The following MSH3 variants were observed in gnomAD, a reference collection of about 807,000 sequenced individuals.
MSH3 encodes the protein DNA mismatch repair protein Msh3.
A neutral mutation model predicts 123.3 loss-of-function variants in MSH3; 106 were observed. The ratio of observed to expected loss-of-function variants is 0.86; its 90% CI spans 0.73 to 1.01. The LOEUF (loss-of-function observed/expected upper bound fraction) is 1.01, where lower values mean the gene tolerates loss of function less well. Among genes scored for constraint, MSH3 ranks in the 50% least tolerant of loss-of-function variants. The pLI, the probability that MSH3 is intolerant of heterozygous loss-of-function variation, is 0.00. For missense variants in MSH3, 1,459 were observed against 1,347.6 expected, an observed-to-expected ratio of 1.08 and a Z score of -1.29; for synonymous variants, 515 against 481.4, an observed-to-expected ratio of 1.07 and a Z score of -0.91.
chr5:80,792,797 T>A lies in MSH3; in HGVS notation c.2608T>A (p.Leu870Met). 6.2e-7 allele frequency: 1 copy of A among 1,613,566 alleles called. No homozygotes were observed. Among genetic ancestry groups the A allele is most frequent in the Non-Finnish European group, 8.5e-7 (1 of 1,179,656 alleles). ...TGGAAGGCACCCTGTGATTGATGTG[T>A]TGCTGGGAGAACAGGATCAATATGT... ...KNGRHPVIDV[L>M]LGEQDQYVPN... Residue 870 changes from leucine to methionine, a missense_variant, in exon 19 of 24, where the codon TTG becomes ATG. Leu to Met is a conservative substitution (Grantham distance 15). Coordinates refer to ENST00000265081, the MANE Select transcript of MSH3 (RefSeq NM_002439.5).
intron 11 of MSH3, among the ~76,000 whole-genome samples, chr5:80,742,199 A>G (rs774353421): frequency 1.3e-5 from 2 of 152,078 alleles, no homozygotes; most frequent in Non-Finnish European, 1.5e-5. Context: ...TAGTAGAGAC[A>G]GGGTTTCGCC....
At chr5:80,761,762 CTAT>C in intron 13 of MSH3, 84 bp downstream of exon 13, 4 of 1,434,678 alleles carry the variant, frequency 2.8e-6, no homozygotes, top group Admixed American at 3.5e-5. Context: ...TTTGAGAGCT[CTAT>C]TATTATTTTA....
Position 80,856,736 on chromosome 5 carries a change from T to A in MSH3, c.3000+2420T>A, listed in dbSNP as rs72767308. 8.8e-4 allele frequency among the ~76,000 whole-genome samples: 134 copies of A among 152,218 alleles called. 1 individual carries two copies. The highest frequency in any genetic ancestry group is 1.3e-3 in the Non-Finnish European group (91 of 67,994). On this transcript the variant is annotated intron_variant, in intron 21 of 23. Coordinates refer to ENST00000265081, the MANE Select transcript of MSH3 (RefSeq NM_002439.5). Reference sequence around the variant, plus strand: ...AAAAAGAAACTACATAGGAAAGCAATTGACTTTTGTACATTAACCTTGGAT... The same window carrying A: ...AAAAAGAAACTACATAGGAAAGCAAATGACTTTTGTACATTAACCTTGGAT...
chr5:80,673,744 C>G (rs1445405458), intron 6 of MSH3, among the ~76,000 whole-genome samples: 1 of 152,066 alleles, frequency 6.6e-6, no homozygotes, highest in African/African-American at 2.4e-5. Flanking sequence ...ATGATTGCCC[C>G]TAAATTTACG....
intron 21 of MSH3, among the ~76,000 whole-genome samples, chr5:80,862,106 C>T (rs1026745931): frequency 6.6e-6 from 1 of 151,942 alleles, no homozygotes; most frequent in Non-Finnish European, 1.5e-5. Flanking sequence ...TGCTGCAGGC[C>T]GAGAACAGCC....
At chr5:80,743,461 C>T (rs1454980756) in intron 11 of MSH3, among the ~76,000 whole-genome samples, 1 of 152,064 alleles carries the variant, frequency 6.6e-6, no homozygotes, top group African/African-American at 2.4e-5. Flanking sequence ...TATAAGCACC[C>T]TGAGGGTGGG....
intron 8 of MSH3, among the ~76,000 whole-genome samples, chr5:80,698,278 A>G (rs957250807): frequency 2.6e-5 from 4 of 152,174 alleles, no homozygotes; most frequent in Non-Finnish European, 5.9e-5. Flanking sequence ...ACATTATTAT[A>G]CAGTCATTCA....
At position 80,670,378 on chromosome 5, in the gene MSH3, G is replaced by A. The variant is rs1677649; in HGVS notation, c.792+69G>A. Reference sequence around the variant, plus strand: ...GCCTTAGATATTTTTCAGTATTTTTGTTTCATTTTCTGACCTTATATAAAA... The same window carrying A: ...GCCTTAGATATTTTTCAGTATTTTTATTTCATTTTCTGACCTTATATAAAA... On this transcript the variant is annotated intron_variant, in intron 4 of 23. Coordinates refer to ENST00000265081, the MANE Select transcript of MSH3 (RefSeq NM_002439.5). 0.27 allele frequency: 397,266 copies of A among 1,489,100 alleles called. 55,900 individuals are homozygous for A. The highest frequency in any genetic ancestry group is 0.4 in the Middle Eastern group (1,798 of 4,458). The allele number at this position is 1,489,100 out of a possible 1,614,324, so 92.2% of individuals were successfully genotyped here.
intron 19 of MSH3, among the ~76,000 whole-genome samples, chr5:80,809,142 A>G (rs1245299430): frequency 6.6e-6 from 1 of 151,850 alleles, no homozygotes; most frequent in Non-Finnish European, 1.5e-5. Context: ...ATAGTTTCAA[A>G]GGAATTTCAT....
At chr5:80,813,519 A>T in intron 19 of MSH3, 65 bp from the exon 20 acceptor site, 1 of 1,516,966 alleles carries the variant, frequency 6.6e-7, no homozygotes, top group South Asian at 1.1e-5. Context: ...CACTTATGAG[A>T]TAAATTGTGG....
chr5:80,876,129 A>T lies in MSH3; in HGVS notation c.*267A>T, dbSNP rs1271070480. 1 of 401,546 alleles carries T rather than the reference A, an allele frequency of 2.5e-6. No individual in the cohort carries two copies. Among genetic ancestry groups the T allele is most frequent in the East Asian group, 4.0e-5 (1 of 24,838 alleles). The allele number at this position is 401,546 out of a possible 1,614,324, so 24.9% of individuals were successfully genotyped here. On this transcript the variant is annotated 3_prime_UTR_variant, in exon 24 of 24. Transcript: ENST00000265081. Reference sequence around the variant, plus strand: ...GGACAGTAAGTCCAGTAAAGCCTTAAGTGGCAGAATATAATTCCCAAGCTT... The same window carrying T: ...GGACAGTAAGTCCAGTAAAGCCTTATGTGGCAGAATATAATTCCCAAGCTT...
chr5:80,829,013 T>C (rs1486769820), intron 20 of MSH3, among the ~76,000 whole-genome samples: 2 of 152,230 alleles, frequency 1.3e-5, no homozygotes, highest in African/African-American at 4.8e-5. Context: ...CACTAGACAT[T>C]ACCCCACTTG....
At chr5:80,854,000 T>A in intron 20 of MSH3, 130 bp from the exon 21 acceptor site, 1 of 737,750 alleles carries the variant, frequency 1.4e-6, no homozygotes. Flanking sequence ...TTTAATTTAA[T>A]TTGAGCTATT....
In MSH3 at chr5:80,654,663, A is replaced by T. The variant is rs765469987; in HGVS notation, c.-65A>T. The T allele has an allele frequency of 1.4e-6, 2 of 1,455,064 alleles. No homozygotes were observed. The allele number at this position is 1,455,064 out of a possible 1,614,324, so 90.1% of individuals were successfully genotyped here. On this transcript the variant is annotated 5_prime_UTR_variant, in exon 1 of 24. Coordinates refer to ENST00000265081, the MANE Select transcript of MSH3 (RefSeq NM_002439.5). ...GTGCTCGCGCCCGCAGACGCCTGGG[A>T]ACTGCGGCCGCGGGCTCGCGCTCCT...
chr5:80,808,573 A>G lies in MSH3; in HGVS notation c.2656-5011A>G, dbSNP rs181561426. Among the ~76,000 whole-genome samples, 186 of 152,212 alleles carry G rather than the reference A, an allele frequency of 1.2e-3. 1 individual carries two copies. Among genetic ancestry groups the G allele is most frequent in the African/African-American group, 4.3e-3 (180 of 41,550 alleles). ...GCTAAATAAACATGGTTTAAATATT[A>G]GAGCTGTGAAGTCTAAATTTTTATA... On this transcript the variant is annotated intron_variant, in intron 19 of 23. Transcript: ENST00000265081.
rs140193431 is a variant in MSH3 at position 80,757,120 on chromosome 5, A to G, written c.1764-4426A>G. 1.2e-3 allele frequency among the ~76,000 whole-genome samples: 185 copies of G among 151,880 alleles called. 1 individual carries two copies. The highest frequency in any genetic ancestry group is 4.4e-3 in the African/African-American group (181 of 41,374). On this transcript the variant is annotated intron_variant, in intron 12 of 23. Coordinates refer to ENST00000265081, the MANE Select transcript of MSH3 (RefSeq NM_002439.5). ...ATGTTGGTAGGTACATAGTAGGTCT[A>G]TATATTAAGGGTATATGAGATATTT...
chr5:80,692,649 T>C (rs1750327423), intron 8 of MSH3, among the ~76,000 whole-genome samples: 2 of 134,364 alleles, frequency 1.5e-5, no homozygotes, highest in South Asian at 4.6e-4. Context: ...TATGTTTATA[T>C]AGATATATAT....
At chr5:80,815,623 T>C (rs997971833) in intron 20 of MSH3, among the ~76,000 whole-genome samples, 15 of 152,192 alleles carry the variant, frequency 9.9e-5, no homozygotes, top group African/African-American at 3.1e-4. Context: ...AGGCATCACA[T>C]TCCTATTCAC....
chr5:80,782,338 C>T (rs1456059591), intron 17 of MSH3, among the ~76,000 whole-genome samples: 1 of 126,734 alleles, frequency 7.9e-6, no homozygotes. Context: ...AGCATCTATA[C>T]TGAACACATA....
Sources: allele counts gnomAD v4.1 joint callset (sites outside exome capture counted in the v4.1 genomes callset), GRCh38; gene constraint gnomAD v4.1.1; transcripts MANE v1.5; gene names NCBI Gene and HGNC (gene_info 2026-07-23, HGNC 2026-07-21).